The following GYPE variants were observed in gnomAD, a reference collection of about 807,000 sequenced individuals.
The protein encoded by GYPE is glycophorin-E.
Under a neutral mutation model 11.6 loss-of-function variants are expected in GYPE, and 8 were observed. The observed-to-expected ratio is 0.69, with a 90% CI of 0.41 to 1.25. GYPE has a LOEUF of 1.25. GYPE is among the 50% of genes most tolerant of loss of function. GYPE has a pLI of 0.01. For synonymous variants in GYPE, 28 were observed against 29.6 expected, an observed-to-expected ratio of 0.94 and a Z score of 0.18; for missense variants, 90 against 92.8, an observed-to-expected ratio of 0.97 and a Z score of 0.12.
At chr4:143,895,956 G>A (rs1473296761) in intron 1 of GYPE, among the ~76,000 whole-genome samples, 4 of 151,980 alleles carry the variant, frequency 2.6e-5, no homozygotes, top group Non-Finnish European at 5.9e-5. Context: ...CTAGCCATAT[G>A]TAGAAAGCTG....
intron 1 of GYPE, among the ~76,000 whole-genome samples, chr4:143,894,263 C>T (rs1389340613): frequency 6.6e-6 from 1 of 151,940 alleles, no homozygotes; most frequent in Non-Finnish European, 1.5e-5. Flanking sequence ...GAATTTCCTC[C>T]TGTAGCTTGG....
intron 1 of GYPE, among the ~76,000 whole-genome samples, chr4:143,892,345 C>G (rs1381332376): frequency 6.6e-5 from 10 of 150,950 alleles, no homozygotes; most frequent in Non-Finnish European, 1.0e-4. Context: ...TTCTTGCCTT[C>G]TGCTAGCTTT....
At chr4:143,887,603 A>G (rs1277369281) in intron 1 of GYPE, among the ~76,000 whole-genome samples, 52 of 131,392 alleles carry the variant, frequency 4.0e-4, no homozygotes, top group African/African-American at 1.1e-3. Context: ...GCAGAGGAGG[A>G]GGGATAAAGA....
chr4:143,884,968 A>T (rs1358972789), intron 1 of GYPE, among the ~76,000 whole-genome samples: 5 of 150,418 alleles, frequency 3.3e-5, no homozygotes, highest in Non-Finnish European at 7.4e-5. Flanking sequence ...AATCACTGTC[A>T]GTAGTATGGA....
At chr4:143,891,041 T>C (rs1340440762) in intron 1 of GYPE, among the ~76,000 whole-genome samples, 3 of 152,112 alleles carry the variant, frequency 2.0e-5, no homozygotes, top group Non-Finnish European at 4.4e-5. Context: ...CTTAAGTTTT[T>C]CAAATTGTCT....
chr4:143,880,634 T>C (rs1743989866), intron 1 of GYPE, 125 bp from the exon 2 acceptor site: 17 of 1,369,076 alleles, frequency 1.2e-5, no homozygotes, highest in Non-Finnish European at 1.7e-5. Flanking sequence ...TTGGTATATA[T>C]CTTACATAAT....
intron 2 of GYPE, among the ~76,000 whole-genome samples, 151 bp from the exon 3 acceptor site, chr4:143,877,006 A>G (rs1407396687): frequency 6.6e-6 from 1 of 152,196 alleles, no homozygotes; most frequent in East Asian, 1.9e-4. Context: ...TGTCTTTTTT[A>G]AAACTGTGTG....
intron 1 of GYPE, among the ~76,000 whole-genome samples, chr4:143,890,482 C>G (rs1215649145): frequency 1.3e-5 from 2 of 150,252 alleles, no homozygotes; most frequent in African/African-American, 5.1e-5. Context: ...ACTGGTACTT[C>G]CTTTCTCTGG....
At chr4:143,885,190 A>G (rs1188328850) in intron 1 of GYPE, among the ~76,000 whole-genome samples, 1 of 152,180 alleles carries the variant, frequency 6.6e-6, no homozygotes, top group Non-Finnish European at 1.5e-5. Flanking sequence ...TGTCAAAAGA[A>G]TATGGCAAAG....
intron 1 of GYPE, among the ~76,000 whole-genome samples, chr4:143,901,168 C>T (rs531916720): frequency 6.6e-6 from 1 of 152,144 alleles, no homozygotes; most frequent in Non-Finnish European, 1.5e-5. Flanking sequence ...GTTTATAGAA[C>T]TTTGTACACT....
chr4:143,896,552 G>T (rs1744647716), intron 1 of GYPE, among the ~76,000 whole-genome samples: 1 of 152,166 alleles, frequency 6.6e-6, no homozygotes, highest in South Asian at 2.1e-4. Context: ...CTTTTACATT[G>T]TTGGTGGGAC....
In GYPE at chr4:143,876,605, G is replaced by A. The variant is rs1362049366; in HGVS notation, c.*9+141C>T. On this transcript the variant is annotated intron_variant, in intron 3 of 3. Transcript: ENST00000358615. ...ATAAATTATGCTAGAGAAACACAGT[G>A]ACTTCTATGTGTCCAGTTGAAAAAG... The A allele has an allele frequency of 5.1e-6, 3 of 586,782 alleles. No individual in the cohort carries two copies. In the Admixed American group the frequency reaches 8.8e-5, roughly 17 times the overall value. 36.3% of individuals were successfully genotyped at this position (586,782 alleles called of 1,614,324 possible). A position where few individuals can be genotyped will look rare whatever the true frequency, so the allele number is the denominator to read the frequency against.
chr4:143,880,977 G>C (rs1361115568), intron 1 of GYPE, among the ~76,000 whole-genome samples: 1 of 152,162 alleles, frequency 6.6e-6, no homozygotes, highest in Non-Finnish European at 1.5e-5. Flanking sequence ...TCTATGCTAA[G>C]AAAGGTGGAA....
At chr4:143,890,599 G>A (rs931025721) in intron 1 of GYPE, among the ~76,000 whole-genome samples, 15 of 152,146 alleles carry the variant, frequency 9.9e-5, no homozygotes, top group South Asian at 2.1e-4. Flanking sequence ...TGCGGCCAGC[G>A]GCGAAAACAA....
rs773549093 is a variant in GYPE, at chr4:143,905,480, G to A, written c.28C>T (p.Leu10=). ...AAATAAAATCACTTACCTGACAATA[G>A]TAATACAAAGATTATTTTTCCATAC... is the stretch of plus-strand genomic sequence containing the variant. The part of the protein sequence containing the change: MYGKIIFVL[L]LSGIVSISAS... Residue 10 remains leucine (L), a synonymous_variant, in exon 1 of 4, where the codon CTA becomes TTA. Coordinates refer to ENST00000358615, the MANE Select transcript of GYPE (RefSeq NM_198682.3). 125 of 1,612,976 alleles carry A rather than the reference G, an allele frequency of 7.7e-5. 1 individual carries two copies. The highest frequency in any genetic ancestry group is 9.9e-5 in the Non-Finnish European group (117 of 1,179,282).
At chr4:143,878,425 T>G (rs566760699) in intron 2 of GYPE, among the ~76,000 whole-genome samples, 54 of 152,338 alleles carry the variant, frequency 3.5e-4, no homozygotes, top group African/African-American at 1.2e-3. Flanking sequence ...CATGAGCCAC[T>G]GCCCCTGGCC....
chr4:143,901,273 CAT>C (rs1215497551), intron 1 of GYPE, among the ~76,000 whole-genome samples: 1 of 152,102 alleles, frequency 6.6e-6, no homozygotes, highest in Non-Finnish European at 1.5e-5. Flanking sequence ...ATTGTATAGT[CAT>C]AGTCTATGAC....
chr4:143,881,197 A>T (rs1228483114), intron 1 of GYPE, among the ~76,000 whole-genome samples: 1 of 151,948 alleles, frequency 6.6e-6, no homozygotes, highest in Non-Finnish European at 1.5e-5. Context: ...TCTCAAAAAA[A>T]AAAAAAACCA....
chr4:143,890,102 T>C (rs1744346313), intron 1 of GYPE, among the ~76,000 whole-genome samples: 1 of 152,204 alleles, frequency 6.6e-6, no homozygotes, highest in Admixed American at 6.5e-5. Flanking sequence ...AATGAAGAGA[T>C]ATAAAGATGA....
Sources: allele counts gnomAD v4.1 joint callset (sites outside exome capture counted in the v4.1 genomes callset), GRCh38; gene constraint gnomAD v4.1.1; transcripts MANE v1.5; gene names NCBI Gene and HGNC (gene_info 2026-07-23, HGNC 2026-07-21).